Variants in KDM4B observed in about 807,000 individuals in gnomAD.
KDM4B encodes lysine demethylase 4B, also known as lysine-specific demethylase 4B.
A neutral mutation model predicts 125.2 loss-of-function variants in KDM4B; 32 were observed. The observed-to-expected ratio is 0.26, with a 90% confidence interval of 0.19 to 0.34. The LOEUF is 0.34. KDM4B is among the 10% of genes least tolerant of loss of function. The pLI, the probability that KDM4B is intolerant of heterozygous loss-of-function variation, is 1.00. For missense variants in KDM4B, 1,190 were observed against 1,577.7 expected (o/e 0.75, Z 4.16); for synonymous variants, 721 against 677.9 (o/e 1.06, Z -0.99).
intron 2 of KDM4B, among the ~76,000 whole-genome samples, chr19:5,019,507 G>A (rs2036014305): frequency 7.1e-6 from 1 of 141,596 alleles, no homozygotes; most frequent in African/African-American, 2.7e-5. Flanking sequence ...TGTGGATGTT[G>A]GTGTGGGTGT....
In KDM4B at chr19:5,119,844, G is replaced by A. The variant is rs1325233276; in HGVS notation, c.1307G>A (p.Gly436Asp). 23 of 1,546,490 alleles carry A rather than the reference G, an allele frequency of 1.5e-5. No individual in the cohort carries two copies. The highest frequency in any genetic ancestry group is 2.0e-5 in the Non-Finnish European group (23 of 1,146,338). Reference protein sequence around the residue: ...QPLPHGREAEGAEEDGRGKLR... With the variant: ...QPLPHGREAEDAEEDGRGKLR... ...CTGCCACACGGCCGGGAGGCCGAGG[G>A]CGCAGAAGGTCAGTCCCTGCCGGGC... Residue 436 changes from glycine (G) to aspartate (D), a missense_variant, in exon 11 of 23, where the codon GGC becomes GAC. Physicochemically the swap from Gly to Asp is moderately conservative, Grantham distance 94. Around this residue, in one of 7 missense-constraint regions of KDM4B, gnomAD observed 428 missense variants for 405.1 expected, o/e 1.06. Transcript: ENST00000159111.
rs907693961 is a variant in KDM4B at position 5,081,853 on chromosome 19, G to A, written c.781-514G>A. On this transcript the variant is annotated intron_variant, in intron 8 of 22. Transcript: ENST00000159111. The surrounding 1 kb of genome is among the most constrained non-coding windows in gnomAD (Gnocchi z 4.2). ...CGAGGGCAGAAGGTGTCCTGAGCGCGTGCAGTGTCTTGTCTTCAGAGCACT... is the reference window on the plus strand; with the variant it reads ...CGAGGGCAGAAGGTGTCCTGAGCGCATGCAGTGTCTTGTCTTCAGAGCACT... Among the ~76,000 whole-genome samples, 2 of 152,186 alleles carry A rather than the reference G, an allele frequency of 1.3e-5. No homozygotes were observed. The highest frequency in any genetic ancestry group is 1.5e-5 in the Non-Finnish European group (1 of 68,032).
At chr19:5,137,698 G>T in intron 17 of KDM4B, 22 bp downstream of exon 17, 1 of 1,564,050 alleles carries the variant, frequency 6.4e-7, no homozygotes, top group Non-Finnish European at 8.6e-7. Context: ...CGCGCGTTGG[G>T]GCTGGAGGGC....
chr19:5,012,329 C>T (rs919978770), intron 1 of KDM4B, among the ~76,000 whole-genome samples: 1 of 152,260 alleles, frequency 6.6e-6, no homozygotes, highest in Non-Finnish European at 1.5e-5. Context: ...CTTGTGGGAA[C>T]ATCCTGCCTG....
intron 5 of KDM4B, among the ~76,000 whole-genome samples, chr19:5,041,738 A>G (rs1448073806): frequency 6.6e-6 from 1 of 152,186 alleles, no homozygotes; most frequent in Non-Finnish European, 1.5e-5. Flanking sequence ...TGGGCTCTCC[A>G]TGAGGGCAGC....
rs1424716745 is a variant in KDM4B, at chr19:4,971,240, C to A, written c.-109+2010C>A. Among the ~76,000 whole-genome samples, 2 of 152,074 alleles carry A rather than the reference C, an allele frequency of 1.3e-5. No individual in the cohort carries two copies. Among genetic ancestry groups the A allele is most frequent in the African/African-American group, 2.4e-5 (1 of 41,402 alleles). On this transcript the variant is annotated intron_variant, in intron 1 of 22. Transcript: ENST00000159111. This position sits in a 1 kb window ranked among gnomAD's most constrained non-coding sequence, Gnocchi z 4.1. ...TAGCTGATCAGCCACCGCACAGCAC[C>A]CCGCCTGGCCTTTGTTGTACTTTTC...
In KDM4B at chr19:5,095,151, A is replaced by G. The variant is rs540149625; in HGVS notation, c.918+12647A>G. On this transcript the variant is annotated intron_variant, in intron 9 of 22. Transcript: ENST00000159111. ...CAGCAGGGCAAGCACCAGCCATGCA[A>G]TGTCTGTCACCGTCGGCTGTAGAAC... 5.2e-4 allele frequency among the ~76,000 whole-genome samples: 79 copies of G among 152,216 alleles called. 1 individual carries two copies. Among genetic ancestry groups the G allele is most frequent in the African/African-American group, 1.9e-3 (77 of 41,522 alleles).
chr19:5,070,920 C>G, intron 6 of KDM4B, 90 bp from the exon 7 acceptor site: 1 of 1,374,706 alleles, frequency 7.3e-7, no homozygotes, highest in Non-Finnish European at 1.0e-6. Flanking sequence ...TGGGCACTGT[C>G]TGCGTCTCCC....
At chr19:5,011,205 G>A (rs940384490) in intron 1 of KDM4B, among the ~76,000 whole-genome samples, 1 of 152,188 alleles carries the variant, frequency 6.6e-6, no homozygotes, top group Non-Finnish European at 1.5e-5. Flanking sequence ...GTCCTGCAGG[G>A]CTCCCTGGTT....
intron 9 of KDM4B, among the ~76,000 whole-genome samples, chr19:5,083,109 AT>A (rs2038355506): frequency 6.6e-6 from 1 of 151,556 alleles, no homozygotes; most frequent in Admixed American, 6.6e-5. Flanking sequence ...CCCTTGCTTG[AT>A]TTTTTTCTGG....
intron 6 of KDM4B, among the ~76,000 whole-genome samples, chr19:5,050,673 G>T (rs1206326466): frequency 6.6e-6 from 1 of 152,238 alleles, no homozygotes; most frequent in Non-Finnish European, 1.5e-5. Flanking sequence ...GGCTGAGGCG[G>T]TTGGATCATG....
chr19:5,126,379 C>A (rs555349231), intron 11 of KDM4B, among the ~76,000 whole-genome samples: 1 of 152,194 alleles, frequency 6.6e-6, no homozygotes, highest in African/African-American at 2.4e-5. Context: ...AGCAGGAAGG[C>A]GGCCTCGTCC....
intron 21 of KDM4B, 77 bp downstream of exon 21, chr19:5,144,979 C>T: frequency 3.2e-6 from 5 of 1,582,632 alleles, no homozygotes; most frequent in South Asian, 2.2e-5. Context: ...AGGATCACAC[C>T]CCTGGCCCAG....
At chr19:5,011,059 G>A (rs527666295) in intron 1 of KDM4B, among the ~76,000 whole-genome samples, 4 of 152,260 alleles carry the variant, frequency 2.6e-5, no homozygotes, top group African/African-American at 4.8e-5. Context: ...GGTGGTCCTC[G>A]TTTTGGCCAT....
chr19:4,994,247 A>G (rs984138056), intron 1 of KDM4B, among the ~76,000 whole-genome samples: 2 of 148,106 alleles, frequency 1.4e-5, no homozygotes, highest in Admixed American at 6.7e-5. Flanking sequence ...TGCCCAGCCT[A>G]TTTTCAGCCT....
At position 5,138,222 on chromosome 19, in the gene KDM4B, G is replaced by A. The variant is rs371340632; in HGVS notation, c.2550+152G>A. ...CAGCTTTCAGGAAGCCAGTGATCCCGACTTCAGCAGGTGTGTTATTTTTTG... is the reference window on the plus strand; with the variant it reads ...CAGCTTTCAGGAAGCCAGTGATCCCAACTTCAGCAGGTGTGTTATTTTTTG... On this transcript the variant is annotated intron_variant, in intron 18 of 22. Coordinates refer to ENST00000159111, the MANE Select transcript of KDM4B (RefSeq NM_015015.3). The A allele has an allele frequency of 1.2e-4, 72 of 604,638 alleles. 1 individual carries two copies. Among genetic ancestry groups the A allele is most frequent in the East Asian group, 7.8e-4 (28 of 35,924 alleles). The allele number at this position is 604,638 out of a possible 1,614,324, so 37.5% of individuals were successfully genotyped here.
At chr19:5,030,987 G>C (rs1555695962) in intron 2 of KDM4B, among the ~76,000 whole-genome samples, 1 of 152,252 alleles carries the variant, frequency 6.6e-6, no homozygotes, top group Non-Finnish European at 1.5e-5. Flanking sequence ...GCCCTGACAG[G>C]TGCCTTGGCA....
chr19:4,976,927 T>C (rs978838460), intron 1 of KDM4B, among the ~76,000 whole-genome samples: 1 of 152,278 alleles, frequency 6.6e-6, no homozygotes, highest in Non-Finnish European at 1.5e-5. Flanking sequence ...TACCGTTAAT[T>C]TACGGTCATG....
At chr19:4,977,864 G>A (rs185381003) in intron 1 of KDM4B, among the ~76,000 whole-genome samples, 1 of 152,296 alleles carries the variant, frequency 6.6e-6, no homozygotes, top group Non-Finnish European at 1.5e-5. Flanking sequence ...CCCTGAGTGA[G>A]GGGGCGCCAC....
Sources: allele counts gnomAD v4.1 joint callset (sites outside exome capture counted in the v4.1 genomes callset), GRCh38; gene constraint gnomAD v4.1.1; regional missense constraint gnomAD v4.1.1; non-coding constraint Gnocchi (gnomAD v3.1); transcripts MANE v1.5; gene names NCBI Gene and HGNC (gene_info 2026-07-23, HGNC 2026-07-21).